The following NOL4L variants were observed in gnomAD, a reference collection of about 807,000 sequenced individuals.
NOL4L encodes the protein nucleolar protein 4 like, also known as nucleolar protein 4-like.
Under a neutral mutation model 64.5 loss-of-function variants are expected in NOL4L, and 7 were observed. The ratio of observed to expected loss-of-function variants is 0.11; its 90% CI spans 0.06 to 0.20. The LOEUF (loss-of-function observed/expected upper bound fraction) is 0.20, where lower values mean the gene tolerates loss of function less well. Among genes scored for constraint, NOL4L ranks in the 10% least tolerant of loss-of-function variants. The probability of loss-of-function intolerance (pLI) is 1.00; values close to 1 mark genes in which losing one functional copy is unlikely to be tolerated. For missense variants in NOL4L, 680 were observed against 967.1 expected (o/e 0.70, Z 3.94); for synonymous variants, 413 against 401.0 (o/e 1.03, Z -0.36).
At chr20:32,484,409 C>T (rs1255771586) in intron 4 of NOL4L, among the ~76,000 whole-genome samples, 1 of 152,130 alleles carries the variant, frequency 6.6e-6, no homozygotes, top group Non-Finnish European at 1.5e-5. Flanking sequence ...GCGCCCCTCC[C>T]CCTTCCCCAT....
intron 1 of NOL4L, among the ~76,000 whole-genome samples, chr20:32,554,320 CAA>C (rs58257913): frequency 3.6e-4 from 23 of 64,060 alleles, no homozygotes; most frequent in South Asian, 6.1e-4. Context: ...GACTCTGCCT[CAA>C]AAAAAAAAAA....
At chr20:32,495,909 A>T (rs1045001281) in intron 4 of NOL4L, among the ~76,000 whole-genome samples, 1 of 152,122 alleles carries the variant, frequency 6.6e-6, no homozygotes, top group Non-Finnish European at 1.5e-5. Flanking sequence ...GTGAGCTGTG[A>T]TCATATCACT....
chr20:32,468,812 T>C (rs971396805), intron 5 of NOL4L, among the ~76,000 whole-genome samples: 21 of 149,714 alleles, frequency 1.4e-4, no homozygotes, highest in Admixed American at 1.2e-3. Context: ...GGCAGGACAA[T>C]TGCTTGAACC....
rs1387161638 is a variant in NOL4L, at chr20:32,443,189, C to T, written c.*4407G>A. The T allele has an allele frequency of 2.6e-5, 4 of 152,156 alleles. No individual in the cohort carries two copies. The highest frequency in any genetic ancestry group is 1.3e-4 in the Admixed American group (2 of 15,276). 9.4% of individuals were successfully genotyped at this position (152,156 alleles called of 1,614,324 possible). On this transcript the variant is annotated 3_prime_UTR_variant, in exon 11 of 11. Transcript: ENST00000621426. ...AAGTAATACCATGGAGATAACAGCTCGATTAACAGCTCATTGGTCTTTTGT... is the reference window on the plus strand; with the variant it reads ...AAGTAATACCATGGAGATAACAGCTTGATTAACAGCTCATTGGTCTTTTGT...
At position 32,490,012 on chromosome 20, in the gene NOL4L, C is replaced by G. The variant is rs182383021; in HGVS notation, c.700-15270G>C. ...GGCGTGGTGGTGCGTGTCTGTAGTC[C>G]TAGCTACTGGGGAGGCTGAGGCAGG... is the stretch of plus-strand genomic sequence containing the variant. On this transcript the variant is annotated intron_variant, in intron 4 of 10. Coordinates refer to ENST00000621426, the MANE Select transcript of NOL4L (RefSeq NM_001256798.2). Among the ~76,000 whole-genome samples, 636 of 150,496 alleles carry G rather than the reference C, an allele frequency of 4.2e-3. 1 individual carries two copies. The highest frequency in any genetic ancestry group is 0.015 in the African/African-American group (603 of 40,832).
chr20:32,517,442 C>A (rs1028709064), intron 3 of NOL4L, among the ~76,000 whole-genome samples: 3 of 152,172 alleles, frequency 2.0e-5, no homozygotes, highest in Non-Finnish European at 4.4e-5. Context: ...GCCAGCATGG[C>A]GGGCAGAGAT....
chr20:32,516,646 C>T (rs2017678230), intron 3 of NOL4L, among the ~76,000 whole-genome samples: 1 of 152,164 alleles, frequency 6.6e-6, no homozygotes, highest in Non-Finnish European at 1.5e-5. Context: ...CATAGTAATA[C>T]CCTGACTTTA....
intron 4 of NOL4L, chr20:32,483,320 C>G (rs992531529): frequency 8.5e-4 from 827 of 972,130 alleles, no homozygotes; most frequent in Non-Finnish European, 9.8e-4. Context: ...GCCCGGGCCC[C>G]GGAAACGGCC....
At chr20:32,480,940 A>G (rs1473317291) in intron 4 of NOL4L, among the ~76,000 whole-genome samples, 2 of 152,148 alleles carry the variant, frequency 1.3e-5, no homozygotes, top group Non-Finnish European at 1.5e-5. Context: ...CCTTCCTGCA[A>G]ACATGCCTCC....
chr20:32,537,129 T>G, intron 1 of NOL4L: 1 of 985,148 alleles, frequency 1.0e-6, no homozygotes, highest in Non-Finnish European at 1.2e-6. Flanking sequence ...CAGCTCTCCT[T>G]CAGGGAGCGC....
At chr20:32,545,492 G>T (rs2018719346) in intron 1 of NOL4L, among the ~76,000 whole-genome samples, 1 of 152,282 alleles carries the variant, frequency 6.6e-6, no homozygotes. Context: ...TGTGTGTCTA[G>T]GGCCCCCTGG....
chr20:32,449,998 C>T (rs999803887), intron 10 of NOL4L: 1 of 152,416 alleles, frequency 6.6e-6, no homozygotes, highest in African/African-American at 2.4e-5. Context: ...AGGAGAAGGT[C>T]CCTGTTTCCT....
At position 32,483,801 on chromosome 20, in the gene NOL4L, G is replaced by T. The variant is rs2015912967; in HGVS notation, c.700-9059C>A. On this transcript the variant is annotated intron_variant, in intron 4 of 10. Coordinates refer to ENST00000621426, the MANE Select transcript of NOL4L (RefSeq NM_001256798.2). ...GAAAAGGAGGCACCCAGGGAGAGGGGAGAGGAGAAAGGAGGGAGAGAGGCG... is the reference window on the plus strand; with the variant it reads ...GAAAAGGAGGCACCCAGGGAGAGGGTAGAGGAGAAAGGAGGGAGAGAGGCG... Among the ~76,000 whole-genome samples the T allele has an allele frequency of 2.2e-5, 3 of 137,360 alleles. No individual in the cohort carries two copies. The South Asian group carries it at 7.7e-4, about 35-fold the overall frequency. The allele number at this position is 137,360 out of a possible 152,430, so 90.1% of individuals were successfully genotyped here.
intron 5 of NOL4L, among the ~76,000 whole-genome samples, chr20:32,469,467 G>T (rs1230225144): frequency 6.6e-6 from 1 of 151,792 alleles, no homozygotes; most frequent in Non-Finnish European, 1.5e-5. Flanking sequence ...CGCCTCCCGG[G>T]TTCAAGCAAT....
In NOL4L at chr20:32,452,288, CA is replaced by C; in HGVS notation, c.1769del (p.Leu590Ter). The C allele has an allele frequency of 6.2e-7, 1 of 1,603,380 alleles. No homozygotes were observed. The highest frequency in any genetic ancestry group is 1.1e-5 in the South Asian group (1 of 89,408). On this transcript the variant is annotated frameshift_variant, in exon 10 of 11. Transcript: ENST00000621426. LOFTEE classifies it high-confidence loss of function. Reference sequence around the variant, plus strand: ...AGGCAGGGGGCTGCAGGTTGCTGCTCAAGGCCCCGTACCCGCGGTAACTGTA... The same window carrying C: ...AGGCAGGGGGCTGCAGGTTGCTGCTCAGGCCCCGTACCCGCGGTAACTGTA... ...LNYSYRGYGA[L>X]SSNLQPPASL...
chr20:32,457,627 A>C lies in NOL4L; in HGVS notation c.842-1232T>G, dbSNP rs1179070975. On this transcript the variant is annotated intron_variant, in intron 5 of 10. Coordinates refer to ENST00000621426, the MANE Select transcript of NOL4L (RefSeq NM_001256798.2). ...GGCGGGTCCAGGCTGCCCATCATGC[A>C]GCCAGGCCGGGCAGAGGGGGATGGG... 3.9e-5 allele frequency among the ~76,000 whole-genome samples: 6 copies of C among 152,156 alleles called. No homozygotes were observed. In the East Asian group the frequency reaches 1.2e-3, roughly 29 times the overall value.
Position 32,447,476 on chromosome 20 carries a change from C to T in NOL4L, c.*120G>A. ...CAGGTGCTTGGAGTGTGGCTAGAAACAGCTCTTTTGGATCCCACCTCTTTC... is the reference window on the plus strand; with the variant it reads ...CAGGTGCTTGGAGTGTGGCTAGAAATAGCTCTTTTGGATCCCACCTCTTTC... On this transcript the variant is annotated 3_prime_UTR_variant, in exon 11 of 11. Coordinates refer to ENST00000621426, the MANE Select transcript of NOL4L (RefSeq NM_001256798.2). 8.9e-7 allele frequency: 1 copy of T among 1,119,810 alleles called. No individual in the cohort carries two copies. Among genetic ancestry groups the T allele is most frequent in the Admixed American group, 3.0e-5 (1 of 33,732 alleles). The allele number at this position is 1,119,810 out of a possible 1,614,324, so 69.4% of individuals were successfully genotyped here.
intron 1 of NOL4L, among the ~76,000 whole-genome samples, chr20:32,538,293 C>T (rs987799706): frequency 5.3e-5 from 8 of 152,194 alleles, no homozygotes; most frequent in Admixed American, 6.5e-5. Context: ...CCCTGCCCCC[C>T]ACCCACAATC....
At chr20:32,533,790 AG>A (rs1002757927) in intron 1 of NOL4L, among the ~76,000 whole-genome samples, 3 of 152,204 alleles carry the variant, frequency 2.0e-5, no homozygotes, top group African/African-American at 4.8e-5. Flanking sequence ...CGTTTTCCTC[AG>A]ATGGATCTGA....
Sources: allele counts gnomAD v4.1 joint callset (sites outside exome capture counted in the v4.1 genomes callset), GRCh38; gene constraint gnomAD v4.1.1; transcripts MANE v1.5; gene names NCBI Gene and HGNC (gene_info 2026-07-23, HGNC 2026-07-21).